Variants in DLC1 observed in about 807,000 individuals in gnomAD.
The protein encoded by DLC1 is DLC1 Rho GTPase activating protein.
DLC1 carries 54 observed loss-of-function variants against 140.3 expected under a neutral mutation model. The ratio of observed to expected loss-of-function variants is 0.38; its 90% CI spans 0.31 to 0.48. The LOEUF is 0.48. Ranked by LOEUF, DLC1 falls within the 20% of genes least tolerant of loss-of-function variation. The probability of loss-of-function intolerance (pLI) is 0.96; values close to 1 mark genes in which losing one functional copy is unlikely to be tolerated. For missense variants in DLC1, 2,536 were observed against 1,907.0 expected (o/e 1.33, Z -6.14); for synonymous variants, 986 against 728.1 (o/e 1.35, Z -5.70).
chr8:13,356,426 G>T (rs1226357064), intron 4 of DLC1, among the ~76,000 whole-genome samples: 2 of 152,128 alleles, frequency 1.3e-5, no homozygotes, highest in Non-Finnish European at 2.9e-5. Context: ...TAACAAAATT[G>T]TCCTTTATCC....
intron 5 of DLC1, among the ~76,000 whole-genome samples, chr8:13,172,510 T>C (rs934826303): frequency 1.3e-5 from 2 of 152,234 alleles, no homozygotes; most frequent in Admixed American, 6.5e-5. Flanking sequence ...GCTTGGAACA[T>C]AGCAACCCCT....
intron 2 of DLC1, among the ~76,000 whole-genome samples, chr8:13,467,839 C>T (rs571315020): frequency 6.6e-6 from 1 of 152,088 alleles, no homozygotes; most frequent in Non-Finnish European, 1.5e-5. Flanking sequence ...AAGTATTATA[C>T]AAATTTTAAA....
intron 12 of DLC1, among the ~76,000 whole-genome samples, chr8:13,093,661 A>G (rs1453732404): frequency 6.6e-6 from 1 of 152,226 alleles, no homozygotes; most frequent in Non-Finnish European, 1.5e-5. Flanking sequence ...CCATGGTTAC[A>G]GCACATAACA....
chr8:13,556,932 C>T (rs1477109649), intron 1 of DLC1, among the ~76,000 whole-genome samples: 1 of 152,112 alleles, frequency 6.6e-6, no homozygotes, highest in African/African-American at 2.4e-5. Flanking sequence ...TTTTTCCAGC[C>T]CTGGTGGGGC....
intron 2 of DLC1, among the ~76,000 whole-genome samples, chr8:13,492,472 C>A (rs556906858): frequency 2.8e-4 from 11 of 39,624 alleles, no homozygotes; most frequent in African/African-American, 6.1e-4. Flanking sequence ...TTTAGCCTGT[C>A]CTTTTTTTTC....
intron 5 of DLC1, among the ~76,000 whole-genome samples, chr8:13,273,859 G>C (rs981643260): frequency 1.3e-5 from 2 of 152,030 alleles, no homozygotes; most frequent in African/African-American, 4.8e-5. Flanking sequence ...TTAGGTGAAA[G>C]AAACTAAAAT....
chr8:13,393,736 T>C (rs755768217), intron 3 of DLC1, 43 bp from the exon 4 acceptor site: 3 of 1,585,084 alleles, frequency 1.9e-6, no homozygotes, highest in South Asian at 2.3e-5. Flanking sequence ...CATGTGAATG[T>C]TCCCAAATGC....
chr8:13,467,781 G>A (rs1800006550), intron 2 of DLC1, among the ~76,000 whole-genome samples: 1 of 151,958 alleles, frequency 6.6e-6, no homozygotes, highest in Non-Finnish European at 1.5e-5. Flanking sequence ...TACTTTTTCT[G>A]CATCTCTTCA....
intron 5 of DLC1, among the ~76,000 whole-genome samples, chr8:13,272,712 T>C (rs753116728): frequency 9.4e-5 from 14 of 149,692 alleles, no homozygotes; most frequent in African/African-American, 2.0e-4. Flanking sequence ...ATACAAAAAA[T>C]AGAAAAAAAA....
intron 5 of DLC1, among the ~76,000 whole-genome samples, chr8:13,142,096 C>T (rs561298728): frequency 1.3e-5 from 2 of 152,206 alleles, no homozygotes; most frequent in Non-Finnish European, 2.9e-5. Context: ...CATACATACA[C>T]AGTCGCTCCT....
intron 1 of DLC1, among the ~76,000 whole-genome samples, chr8:13,597,046 A>C (rs529491358): frequency 1.3e-5 from 2 of 151,856 alleles, no homozygotes; most frequent in Non-Finnish European, 2.9e-5. Context: ...ATTTAACATA[A>C]TGCAGCAAGG....
chr8:13,103,002 A>T (rs1020005407), intron 7 of DLC1, 149 bp from the exon 8 acceptor site: 1 of 675,306 alleles, frequency 1.5e-6, no homozygotes, highest in African/African-American at 1.8e-5. Context: ...AAACTTATTT[A>T]AAAAGTGAGT....
chr8:13,343,354 C>T (rs1408993757), intron 4 of DLC1, among the ~76,000 whole-genome samples: 1 of 152,146 alleles, frequency 6.6e-6, no homozygotes, highest in Non-Finnish European at 1.5e-5. Flanking sequence ...TGTCATTCTG[C>T]ATAACTCCTG....
At chr8:13,111,331 G>A (rs1275709167) in intron 6 of DLC1, among the ~76,000 whole-genome samples, 5 of 152,162 alleles carry the variant, frequency 3.3e-5, no homozygotes, top group Non-Finnish European at 7.3e-5. Context: ...GAGCTAAGGA[G>A]AATTCAAGAT....
chr8:13,526,938 A>C (rs921313158), intron 1 of DLC1, among the ~76,000 whole-genome samples: 3 of 152,228 alleles, frequency 2.0e-5, no homozygotes, highest in African/African-American at 7.2e-5. Flanking sequence ...AAAAGTTTTC[A>C]TAAAAAAATT....
intron 2 of DLC1, among the ~76,000 whole-genome samples, chr8:13,431,511 A>AAT (rs1162430550): frequency 3.8e-5 from 5 of 132,172 alleles, no homozygotes; most frequent in African/African-American, 1.4e-4. Context: ...AAAAAAAAAA[A>AAT]AAAAGAAAAG....
intron 5 of DLC1, among the ~76,000 whole-genome samples, chr8:13,261,144 A>G (rs1830454110): frequency 6.6e-6 from 1 of 152,208 alleles, no homozygotes; most frequent in Admixed American, 6.5e-5. Flanking sequence ...AAACAAACAC[A>G]TGTAACATGC....
intron 4 of DLC1, among the ~76,000 whole-genome samples, chr8:13,310,334 G>C (rs930743272): frequency 4.0e-5 from 6 of 151,494 alleles, no homozygotes; most frequent in Admixed American, 4.0e-4. Flanking sequence ...GCTTAATTCA[G>C]AGAAAAATCA....
intron 4 of DLC1, among the ~76,000 whole-genome samples, chr8:13,329,274 A>G (rs1377825499): frequency 1.3e-5 from 2 of 152,184 alleles, no homozygotes; most frequent in African/African-American, 4.8e-5. Flanking sequence ...CTGGTCCTAT[A>G]GAGCTTTCCA....
Sources: allele counts gnomAD v4.1 joint callset (sites outside exome capture counted in the v4.1 genomes callset), GRCh38; gene constraint gnomAD v4.1.1; transcripts MANE v1.5; gene names NCBI Gene and HGNC (gene_info 2026-07-23, HGNC 2026-07-21).